The following CHIA variants were observed in gnomAD, a reference collection of about 807,000 sequenced individuals.
CHIA encodes the protein chitinase acidic, also known as acidic mammalian chitinase.
CHIA carries 47 observed loss-of-function variants against 53.5 expected under a neutral mutation model. That is an observed-to-expected ratio of 0.88 (90% CI 0.70 to 1.12). The LOEUF is 1.12. Among genes scored for constraint, CHIA ranks in the 50% most tolerant of loss-of-function variants. The pLI, the probability that CHIA is intolerant of heterozygous loss-of-function variation, is 0.00. For synonymous variants in CHIA, 268 were observed against 222.2 expected, an observed-to-expected ratio of 1.21 and a Z score of -1.83; for missense variants, 652 against 592.2, an observed-to-expected ratio of 1.10 and a Z score of -1.05.
At chr1:111,292,500 C>G (rs1008521163) in intron 1 of CHIA, among the ~76,000 whole-genome samples, 1 of 152,196 alleles carries the variant, frequency 6.6e-6, no homozygotes, top group Non-Finnish European at 1.5e-5. Flanking sequence ...TGTGAATAAA[C>G]TGGCATTCTC....
chr1:111,304,933 A>AT (rs1046861006), intron 1 of CHIA, among the ~76,000 whole-genome samples: 1 of 151,644 alleles, frequency 6.6e-6, no homozygotes, highest in Non-Finnish European at 1.5e-5. Context: ...TCTTTTTTGT[A>AT]TTTTTTATTT....
intron 2 of CHIA, 121 bp downstream of exon 2, chr1:111,310,613 C>A: frequency 6.5e-7 from 1 of 1,529,312 alleles, no homozygotes; most frequent in Non-Finnish European, 8.8e-7. Flanking sequence ...CTTCTTTCAT[C>A]ATTTCAAATT....
chr1:111,311,421 C>T (rs1435030303), intron 2 of CHIA, among the ~76,000 whole-genome samples: 1 of 152,138 alleles, frequency 6.6e-6, no homozygotes, highest in African/African-American at 2.4e-5. Flanking sequence ...AGTACATCTT[C>T]CATAGATAGT....
intron 1 of CHIA, among the ~76,000 whole-genome samples, chr1:111,291,658 C>T (rs1374679674): frequency 6.6e-6 from 1 of 151,714 alleles, no homozygotes; most frequent in Admixed American, 6.6e-5. Context: ...GCACTTGTAT[C>T]CTGGAACTTA....
Position 111,317,856 on chromosome 1 carries a change from C to T in CHIA, c.605+51C>T. On this transcript the variant is annotated intron_variant, in intron 7 of 11. Coordinates refer to ENST00000369740, the MANE Select transcript of CHIA (RefSeq NM_201653.4). ...CTCCTGGAGGTGTCACTCGGGCACACTAGACTTGTCCTTGGTCTGGCTTGC... is the reference window on the plus strand; with the variant it reads ...CTCCTGGAGGTGTCACTCGGGCACATTAGACTTGTCCTTGGTCTGGCTTGC... 3.7e-6 allele frequency: 6 copies of T among 1,612,334 alleles called. 1 individual carries two copies. The highest frequency in any genetic ancestry group is 3.3e-5 in the South Asian group (3 of 90,972).
chr1:111,317,997 A>G lies in CHIA; in HGVS notation c.617A>G (p.Tyr206Cys). ...EIPQLSQYLDYIHVMTYDLHG... is the reference protein window; with the variant it reads ...EIPQLSQYLDCIHVMTYDLHG... ...CCACCCCACCTCAGGTACCTGGACT[A>G]CATCCATGTCATGACCTACGACCTC... The change falls in exon 8 of 12, where the codon TAC (tyrosine) becomes TGC (cysteine). Residue 206 changes from tyrosine (Y) to cysteine (C), a missense_variant. Physicochemically the swap from Tyr to Cys is radical, Grantham distance 194. Coordinates refer to ENST00000369740, the MANE Select transcript of CHIA (RefSeq NM_201653.4). 6.2e-7 allele frequency: 1 copy of G among 1,614,184 alleles called. No homozygotes were observed. The highest frequency in any genetic ancestry group is 1.7e-5 in the Admixed American group (1 of 60,030).
chr1:111,318,149 T>A, intron 8 of CHIA, 40 bp downstream of exon 8: 1 of 1,515,050 alleles, frequency 6.6e-7, no homozygotes, highest in Non-Finnish European at 9.1e-7. Context: ...CCAGAGATGA[T>A]GATGAAAATC....
intron 6 of CHIA, chr1:111,316,908 C>T (rs1001282003): frequency 2.0e-5 from 3 of 152,172 alleles, no homozygotes; most frequent in African/African-American, 7.2e-5. Flanking sequence ...TGGAACATGC[C>T]TCTAGTCATA....
intron 1 of CHIA, among the ~76,000 whole-genome samples, chr1:111,303,994 T>C (rs1221002654): frequency 6.6e-6 from 1 of 152,202 alleles, no homozygotes; most frequent in Non-Finnish European, 1.5e-5. Context: ...TTTTGAAGGA[T>C]AGTTTTGCCA....
At chr1:111,314,809 C>A in intron 5 of CHIA, 1 of 524,306 alleles carries the variant, frequency 1.9e-6, no homozygotes, top group South Asian at 2.7e-5. Context: ...CATTTGGGGG[C>A]CCTATCCACA....
At position 111,314,569 on chromosome 1, in the gene CHIA, T is replaced by C. The variant is rs1648988970; in HGVS notation, c.287T>C (p.Ile96Thr). 1.2e-6 allele frequency: 2 copies of C among 1,613,544 alleles called. No homozygotes were observed. Among genetic ancestry groups the C allele is most frequent in the East Asian group, 2.2e-5 (1 of 44,874 alleles). ...AGCCAGCTGAAAACTCTCCTGGCCATTGGAGGCTGGAACTTCGGGACTGCC... is the reference window on the plus strand; with the variant it reads ...AGCCAGCTGAAAACTCTCCTGGCCACTGGAGGCTGGAACTTCGGGACTGCC... The part of the protein sequence containing the change: ...KNSQLKTLLA[I>T]GGWNFGTAPF... Residue 96 changes from isoleucine (I) to threonine (T), a missense_variant, in exon 5 of 12, where the codon ATT (isoleucine) becomes ACT (threonine). By Grantham distance (89) the Ile-to-Thr change is moderately conservative. Coordinates refer to ENST00000369740, the MANE Select transcript of CHIA (RefSeq NM_201653.4).
chr1:111,316,715 A>G (rs1649190449), intron 6 of CHIA: 1 of 152,160 alleles, frequency 6.6e-6, no homozygotes. Flanking sequence ...CAGGACAAAA[A>G]AGCTTGATAT....
chr1:111,314,832 C>T, intron 5 of CHIA: 1 of 492,588 alleles, frequency 2.0e-6, no homozygotes, highest in Non-Finnish European at 3.6e-6. Context: ...GGTTTACTTA[C>T]TGAGGTTCCC....
chr1:111,303,568 A>G (rs1299272425), intron 1 of CHIA, among the ~76,000 whole-genome samples: 1 of 152,096 alleles, frequency 6.6e-6, no homozygotes, highest in Non-Finnish European at 1.5e-5. Context: ...TCCTAAGGTT[A>G]TAACATTCTA....
intron 1 of CHIA, among the ~76,000 whole-genome samples, chr1:111,292,823 A>G (rs908799732): frequency 6.6e-6 from 1 of 152,182 alleles, no homozygotes; most frequent in African/African-American, 2.4e-5. Flanking sequence ...TATCTCACAT[A>G]AACAGAAAAA....
intron 8 of CHIA, 64 bp downstream of exon 8, chr1:111,318,173 G>A: frequency 7.3e-7 from 1 of 1,371,024 alleles, no homozygotes; most frequent in Non-Finnish European, 1.0e-6. Flanking sequence ...TAGAGATTCA[G>A]GCACAAAAGG....
Position 111,320,399 on chromosome 1 carries a change from C to T in CHIA, c.1364C>T (p.Thr455Met), listed in dbSNP as rs997960475. Reference protein sequence around the residue: ...NAFWHCVNGVTYQQNCQAGLV... With the variant: ...NAFWHCVNGVMYQQNCQAGLV... ...TTCTGGCACTGCGTGAATGGAGTCA[C>T]GTACCAGCAGAACTGCCAGGCCGGG... is the stretch of plus-strand genomic sequence containing the variant. The change falls in exon 12 of 12, where the codon ACG (threonine) becomes ATG (methionine). Residue 455 changes from threonine (T) to methionine (M), a missense_variant. Coordinates refer to ENST00000369740, the MANE Select transcript of CHIA (RefSeq NM_201653.4). 5.0e-6 allele frequency: 8 copies of T among 1,614,188 alleles called. No homozygotes were observed. Among genetic ancestry groups the T allele is most frequent in the East Asian group, 2.2e-5 (1 of 44,884 alleles).
At chr1:111,320,178 G>GC in intron 11 of CHIA, 35 bp from the exon 12 acceptor site, 1 of 1,594,740 alleles carries the variant, frequency 6.3e-7, no homozygotes, top group Non-Finnish European at 8.6e-7. Flanking sequence ...CCTCTCCCAA[G>GC]CCCACTAGTC....
intron 1 of CHIA, among the ~76,000 whole-genome samples, chr1:111,296,744 G>A (rs1440958943): frequency 6.6e-6 from 1 of 152,204 alleles, no homozygotes; most frequent in East Asian, 1.9e-4. Flanking sequence ...GACAGAAGTA[G>A]GCTTCAGAAG....
Sources: allele counts gnomAD v4.1 joint callset (sites outside exome capture counted in the v4.1 genomes callset), GRCh38; gene constraint gnomAD v4.1.1; transcripts MANE v1.5; gene names NCBI Gene and HGNC (gene_info 2026-07-23, HGNC 2026-07-21).